The following SGCZ variants were observed in gnomAD, a reference collection of about 807,000 sequenced individuals.
SGCZ encodes the protein sarcoglycan zeta, also known as zeta-sarcoglycan.
SGCZ carries 40 observed loss-of-function variants against 41.3 expected under a neutral mutation model. The ratio of observed to expected loss-of-function variants is 0.97; its 90% CI spans 0.75 to 1.26. The LOEUF is 1.26. Ranked by LOEUF, SGCZ falls within the 50% of genes most tolerant of loss-of-function variation. The probability of loss-of-function intolerance (pLI) is 0.00; values close to 1 mark genes in which losing one functional copy is unlikely to be tolerated. For synonymous variants in SGCZ, 206 were observed against 137.5 expected, an observed-to-expected ratio of 1.50 and a Z score of -3.49; for missense variants, 552 against 369.8, an observed-to-expected ratio of 1.49 and a Z score of -4.04.
intron 3 of SGCZ, among the ~76,000 whole-genome samples, chr8:14,320,241 C>A (rs1335944737): frequency 6.6e-6 from 1 of 150,706 alleles, no homozygotes; most frequent in Non-Finnish European, 1.5e-5. Flanking sequence ...ATAATGATAA[C>A]CATGATAATA....
Position 15,056,921 on chromosome 8 carries a change from G to A in SGCZ, c.39+180664C>T, listed in dbSNP as rs61683783. 6.8e-3 allele frequency among the ~76,000 whole-genome samples: 1,029 copies of A among 152,260 alleles called. 15 individuals are homozygous for A. Among genetic ancestry groups the A allele is most frequent in the African/African-American group, 0.022 (922 of 41,560 alleles). ...TTCTGACAGGCAAGGTTTCTGACAG[G>A]CAAGCTGAAGGTGACAAGGATGGGT... On this transcript the variant is annotated intron_variant, in intron 1 of 7. Transcript: ENST00000382080.
intron 4 of SGCZ, among the ~76,000 whole-genome samples, chr8:14,210,262 T>C (rs1805759739): frequency 6.6e-6 from 1 of 152,144 alleles, no homozygotes; most frequent in Admixed American, 6.5e-5. Context: ...TTTTACAATG[T>C]TGGCCAGGCT....
rs116769821 is a variant in SGCZ, at chr8:14,450,488, A to T, written c.234+104244T>A. Among the ~76,000 whole-genome samples, 725 of 152,324 alleles carry T rather than the reference A, an allele frequency of 4.8e-3. 8 individuals carry two copies. The highest frequency in any genetic ancestry group is 0.016 in the African/African-American group (670 of 41,572). On this transcript the variant is annotated intron_variant, in intron 2 of 7. Transcript: ENST00000382080. ...AGAGAAAATGTCTGTGTTGAAGTAC[A>T]GTCATATGCCTTATCGAGAGTGTTC...
chr8:14,765,815 A>G (rs1244777819), intron 1 of SGCZ, among the ~76,000 whole-genome samples: 1 of 152,194 alleles, frequency 6.6e-6, no homozygotes, highest in Non-Finnish European at 1.5e-5. Context: ...ACTATCACAC[A>G]GCCTGCAAAA....
intron 1 of SGCZ, among the ~76,000 whole-genome samples, chr8:14,646,980 G>T (rs552894429): frequency 6.6e-6 from 1 of 151,866 alleles, no homozygotes; most frequent in African/African-American, 2.4e-5. Context: ...AATGAAGCCT[G>T]GAAAATTTAG....
chr8:14,106,248 T>G (rs1426669049), intron 6 of SGCZ, among the ~76,000 whole-genome samples: 1 of 152,172 alleles, frequency 6.6e-6, no homozygotes, highest in South Asian at 2.1e-4. Flanking sequence ...AATTTACAGT[T>G]TGTTAGGAGA....
intron 2 of SGCZ, among the ~76,000 whole-genome samples, chr8:14,538,169 G>A (rs1227550264): frequency 6.6e-6 from 1 of 151,908 alleles, no homozygotes; most frequent in Non-Finnish European, 1.5e-5. Flanking sequence ...ATTGAAACAT[G>A]TCAGCTTGTC....
chr8:15,231,833 G>A (rs954329977), intron 1 of SGCZ, among the ~76,000 whole-genome samples: 5 of 151,980 alleles, frequency 3.3e-5, no homozygotes, highest in Admixed American at 2.0e-4. Flanking sequence ...TGTTGGCCAG[G>A]CTGGTCTTGA....
At chr8:14,926,292 ATT>A (rs1799747814) in intron 1 of SGCZ, among the ~76,000 whole-genome samples, 1 of 152,210 alleles carries the variant, frequency 6.6e-6, no homozygotes, top group Admixed American at 6.5e-5. Flanking sequence ...TCGAAAAAAT[ATT>A]GTCATCATGT....
intron 1 of SGCZ, among the ~76,000 whole-genome samples, chr8:15,033,396 G>T (rs1419253830): frequency 6.6e-6 from 1 of 151,472 alleles, no homozygotes; most frequent in African/African-American, 2.4e-5. Context: ...GCCCCTAGTA[G>T]CCCCAGACTA....
chr8:14,456,814 G>A (rs560178164), intron 2 of SGCZ, among the ~76,000 whole-genome samples: 15 of 152,252 alleles, frequency 9.9e-5, no homozygotes, highest in Non-Finnish European at 1.2e-4. Flanking sequence ...TGGATCCCTC[G>A]TGGCATACTG....
intron 1 of SGCZ, among the ~76,000 whole-genome samples, chr8:15,037,438 T>A (rs1444632667): frequency 6.6e-6 from 1 of 152,186 alleles, no homozygotes; most frequent in Non-Finnish European, 1.5e-5. Context: ...CTTTCATGTA[T>A]AAATTACCCA....
chr8:14,383,787 T>C (rs913336642), intron 2 of SGCZ, among the ~76,000 whole-genome samples: 1 of 152,074 alleles, frequency 6.6e-6, no homozygotes, highest in Non-Finnish European at 1.5e-5. Context: ...TCAGGGACTG[T>C]ACAGTTGAAT....
chr8:15,155,201 G>A (rs982228598), intron 1 of SGCZ, among the ~76,000 whole-genome samples: 2 of 152,078 alleles, frequency 1.3e-5, no homozygotes, highest in African/African-American at 4.8e-5. Flanking sequence ...AGGCTGAGGT[G>A]GAACAATGGC....
intron 1 of SGCZ, among the ~76,000 whole-genome samples, chr8:14,824,343 G>T (rs1016239894): frequency 1.3e-5 from 2 of 151,960 alleles, no homozygotes; most frequent in Non-Finnish European, 2.9e-5. Context: ...TTGTATCAAA[G>T]AATCAAATTA....
At chr8:14,718,165 C>T (rs77222222) in intron 1 of SGCZ, among the ~76,000 whole-genome samples, 3 of 151,818 alleles carry the variant, frequency 2.0e-5, no homozygotes, top group Non-Finnish European at 4.4e-5. Flanking sequence ...CATGCACACA[C>T]ACACACACAA....
In SGCZ at chr8:15,077,539, G is replaced by A. The variant is rs573984033; in HGVS notation, c.39+160046C>T. On this transcript the variant is annotated intron_variant, in intron 1 of 7. Coordinates refer to ENST00000382080, the MANE Select transcript of SGCZ (RefSeq NM_139167.4). ...AAGAAATTGAATTTTTCTAACTGAA[G>A]GAGAAGAAGGGGTTTTTTTCCTTCC... 3.3e-5 allele frequency among the ~76,000 whole-genome samples: 5 copies of A among 152,266 alleles called. No individual in the cohort carries two copies. The South Asian group carries it at 1.0e-3, about 32-fold the overall frequency.
intron 4 of SGCZ, among the ~76,000 whole-genome samples, chr8:14,190,764 G>A (rs748187946): frequency 6.6e-5 from 10 of 151,840 alleles, no homozygotes; most frequent in African/African-American, 2.4e-4. Flanking sequence ...CACCACGCCC[G>A]GCTAATTTTT....
chr8:14,546,477 T>G (rs1803631461), intron 2 of SGCZ, among the ~76,000 whole-genome samples: 1 of 152,166 alleles, frequency 6.6e-6, no homozygotes, highest in African/African-American at 2.4e-5. Flanking sequence ...CATTGTTTCT[T>G]TTATAAAGGT....
Sources: allele counts gnomAD v4.1 joint callset (sites outside exome capture counted in the v4.1 genomes callset), GRCh38; gene constraint gnomAD v4.1.1; transcripts MANE v1.5; gene names NCBI Gene and HGNC (gene_info 2026-07-23, HGNC 2026-07-21).